Variants in PPP1R21 observed in about 807,000 individuals in gnomAD.
PPP1R21 encodes the protein protein phosphatase 1 regulatory subunit 21.
In PPP1R21, 85 loss-of-function variants were observed where a neutral mutation model predicts 112.8. The observed-to-expected ratio is 0.75, with a 90% CI of 0.63 to 0.90. The LOEUF is 0.90. Ranked by LOEUF, PPP1R21 falls within the 40% of genes least tolerant of loss-of-function variation. The probability of loss-of-function intolerance (pLI) is 0.00; values close to 1 mark genes in which losing one functional copy is unlikely to be tolerated. For missense variants in PPP1R21, 1,199 were observed against 901.5 expected (o/e 1.33, Z -4.23); for synonymous variants, 381 against 322.3 (o/e 1.18, Z -1.95).
intron 1 of PPP1R21, among the ~76,000 whole-genome samples, chr2:48,447,328 A>C (rs2103740874): frequency 6.6e-6 from 1 of 152,304 alleles, no homozygotes; most frequent in African/African-American, 2.4e-5. Context: ...GGGTAAAATG[A>C]ATCAGAAAAT....
intron 3 of PPP1R21, 126 bp from the exon 4 acceptor site, chr2:48,458,000 A>C: frequency 1.4e-6 from 1 of 693,504 alleles, no homozygotes; most frequent in South Asian, 1.4e-5. Context: ...TAGCTTTTGC[A>C]GGATTGTTTG....
chr2:48,475,232 A>C (rs1419997705), intron 12 of PPP1R21, among the ~76,000 whole-genome samples: 1 of 152,012 alleles, frequency 6.6e-6, no homozygotes, highest in Non-Finnish European at 1.5e-5. Context: ...ACTTCCCTGT[A>C]GTCCCAGCTA....
At chr2:48,481,392 A>C (rs532738903) in intron 13 of PPP1R21, among the ~76,000 whole-genome samples, 13 of 152,146 alleles carry the variant, frequency 8.5e-5, no homozygotes, top group Non-Finnish European at 1.3e-4. Context: ...ACAATATTCA[A>C]CTCCAGTCCT....
chr2:48,490,037 T>A (rs1019965712), intron 14 of PPP1R21, among the ~76,000 whole-genome samples: 21 of 151,442 alleles, frequency 1.4e-4, no homozygotes, highest in Non-Finnish European at 2.7e-4. Context: ...AGAGCAAGAC[T>A]CTGTTTCAAA....
intron 21 of PPP1R21, among the ~76,000 whole-genome samples, chr2:48,513,799 A>C (rs1217075000): frequency 6.6e-6 from 1 of 152,206 alleles, no homozygotes; most frequent in Non-Finnish European, 1.5e-5. Context: ...TTTATGCCTA[A>C]GAGTTAAATA....
intron 16 of PPP1R21, among the ~76,000 whole-genome samples, chr2:48,496,455 C>T (rs1311589304): frequency 1.5e-5 from 2 of 132,256 alleles, no homozygotes; most frequent in Non-Finnish European, 3.1e-5. Flanking sequence ...CAAGACAGGG[C>T]TTATTGGGTT....
intron 7 of PPP1R21, 88 bp downstream of exon 7, chr2:48,461,320 G>T: frequency 2.2e-6 from 3 of 1,366,222 alleles, no homozygotes; most frequent in South Asian, 1.9e-5. Context: ...AATCTTTTGG[G>T]CAAAAAATTT....
intron 2 of PPP1R21, among the ~76,000 whole-genome samples, chr2:48,451,601 G>A (rs1304036465): frequency 1.3e-5 from 2 of 152,136 alleles, no homozygotes; most frequent in Non-Finnish European, 1.5e-5. Context: ...TTAACTGAGG[G>A]GAGAAATATG....
At chr2:48,463,825 G>A (rs868669204) in intron 7 of PPP1R21, among the ~76,000 whole-genome samples, 10 of 152,066 alleles carry the variant, frequency 6.6e-5, no homozygotes, top group East Asian at 5.8e-4. Context: ...GTAGACCGAG[G>A]TGGAGGGTGG....
At chr2:48,488,980 A>G (rs1347193281) in intron 14 of PPP1R21, among the ~76,000 whole-genome samples, 1 of 152,212 alleles carries the variant, frequency 6.6e-6, no homozygotes, top group East Asian at 1.9e-4. Context: ...CAAGGACTAT[A>G]TATAGCTCAA....
At chr2:48,494,993 A>T (rs1413830209) in intron 15 of PPP1R21, among the ~76,000 whole-genome samples, 11 of 152,192 alleles carry the variant, frequency 7.2e-5, no homozygotes. Flanking sequence ...GGGGTGAGCC[A>T]CCACTCCCGG....
chr2:48,473,957 A>G (rs747108073), intron 11 of PPP1R21, among the ~76,000 whole-genome samples: 5 of 152,340 alleles, frequency 3.3e-5, no homozygotes, highest in Non-Finnish European at 4.4e-5. Flanking sequence ...GTGTACTGGA[A>G]AAGATTTTCT....
In PPP1R21 at chr2:48,474,920, G is replaced by A. The variant is rs1348941786; in HGVS notation, c.1225+101G>A. 4.0e-6 allele frequency: 4 copies of A among 1,002,314 alleles called. No homozygotes were observed. In the Admixed American group the frequency reaches 7.5e-5, roughly 19 times the overall value. 62.1% of individuals were successfully genotyped at this position (1,002,314 alleles called of 1,614,324 possible). ...GCTAAGTAGAGTGAGAGGAGCATAGGATCTGGCATCAGGAAAACTTGAATT... is the reference window on the plus strand; with the variant it reads ...GCTAAGTAGAGTGAGAGGAGCATAGAATCTGGCATCAGGAAAACTTGAATT... On this transcript the variant is annotated intron_variant, in intron 12 of 21. Coordinates refer to ENST00000294952, the MANE Select transcript of PPP1R21 (RefSeq NM_001135629.3).
At chr2:48,442,234 A>G (rs539607507) in intron 1 of PPP1R21, among the ~76,000 whole-genome samples, 9 of 152,338 alleles carry the variant, frequency 5.9e-5, no homozygotes, top group South Asian at 4.1e-4. Flanking sequence ...GAGGTTGGCA[A>G]TGCTCAAATT....
At chr2:48,461,258 T>G in intron 7 of PPP1R21, 26 bp downstream of exon 7, 1 of 1,503,962 alleles carries the variant, frequency 6.6e-7, no homozygotes, top group Non-Finnish European at 8.8e-7. Flanking sequence ...AGTTTTCCAT[T>G]ATTTGTAACT....
At position 48,505,590 on chromosome 2, in the gene PPP1R21, C is replaced by G. The variant is rs975103967; in HGVS notation, c.1962C>G (p.Asp654Glu). The G allele has an allele frequency of 1.4e-5, 21 of 1,550,212 alleles. No individual in the cohort carries two copies. Among genetic ancestry groups the G allele is most frequent in the Non-Finnish European group, 1.7e-5 (20 of 1,145,156 alleles). Reference protein sequence around the residue: ...SLIGTLTRTSDSEVPDVESRE... With the variant: ...SLIGTLTRTSESEVPDVESRE... ...TTGGGACTTTAACCAGGACATCTGA[C>G]AGTGAGGTAACATGTGCTTGTCATC... The change falls in exon 18 of 22, where the codon GAC becomes GAG. Residue 654 changes from aspartate (D) to glutamate (E), a missense_variant. By Grantham distance (45) the Asp-to-Glu change is conservative. Coordinates refer to ENST00000294952, the MANE Select transcript of PPP1R21 (RefSeq NM_001135629.3).
At chr2:48,445,840 G>A (rs548245756) in intron 1 of PPP1R21, among the ~76,000 whole-genome samples, 2 of 152,316 alleles carry the variant, frequency 1.3e-5, no homozygotes, top group African/African-American at 2.4e-5. Context: ...TCCTGGGATA[G>A]CAACAAGTAA....
At chr2:48,457,051 C>CAA (rs550002926) in intron 3 of PPP1R21, among the ~76,000 whole-genome samples, 16 of 145,366 alleles carry the variant, frequency 1.1e-4, no homozygotes, top group Non-Finnish European at 2.1e-4. Context: ...GACTCCCTCT[C>CAA]AAAAAAAAAA....
chr2:48,486,575 T>C (rs1319096304), intron 13 of PPP1R21, 56 bp from the exon 14 acceptor site: 3 of 1,344,146 alleles, frequency 2.2e-6, no homozygotes, highest in Non-Finnish European at 3.2e-6. Flanking sequence ...GGGCTGGTTA[T>C]CTGTATGTGA....
Sources: allele counts gnomAD v4.1 joint callset (sites outside exome capture counted in the v4.1 genomes callset), GRCh38; gene constraint gnomAD v4.1.1; transcripts MANE v1.5; gene names NCBI Gene and HGNC (gene_info 2026-07-23, HGNC 2026-07-21).